The following NTM variants were observed in gnomAD, a reference collection of about 807,000 sequenced individuals.
NTM encodes the protein neurotrimin, also known as IgLON family member 2.
In NTM, 13 loss-of-function variants were observed where a neutral mutation model predicts 42.1. The ratio of observed to expected loss-of-function variants is 0.31; its 90% CI spans 0.20 to 0.49. The LOEUF is 0.49. Among genes scored for constraint, NTM ranks in the 20% least tolerant of loss-of-function variants. NTM has a pLI of 0.99. For synonymous variants in NTM, 187 were observed against 179.2 expected (o/e 1.04, Z -0.35); for missense variants, 373 against 452.8 (o/e 0.82, Z 1.60).
At chr11:132,220,054 C>G (rs1470240326) in intron 4 of NTM, among the ~76,000 whole-genome samples, 1 of 152,136 alleles carries the variant, frequency 6.6e-6, no homozygotes, top group Non-Finnish European at 1.5e-5. Context: ...AAGTAATTGC[C>G]ATTGCAAAAG....
chr11:131,626,027 T>G (rs1228469482), intron 1 of NTM, among the ~76,000 whole-genome samples: 1 of 152,204 alleles, frequency 6.6e-6, no homozygotes, highest in African/African-American at 2.4e-5. Flanking sequence ...GTGCACATTT[T>G]TGTACAAGGC....
At chr11:131,708,719 C>T (rs2076831029) in intron 1 of NTM, among the ~76,000 whole-genome samples, 1 of 151,942 alleles carries the variant, frequency 6.6e-6, no homozygotes, top group African/African-American at 2.4e-5. Flanking sequence ...ATATTGAGGG[C>T]CTTCTATATG....
At chr11:131,411,331 C>T (rs1322202306) in intron 1 of NTM, among the ~76,000 whole-genome samples, 2 of 152,184 alleles carry the variant, frequency 1.3e-5, no homozygotes, top group Admixed American at 6.5e-5. Context: ...TTCTTTCTAG[C>T]ACAATGCCTG....
At chr11:132,244,021 G>A (rs775473632) in intron 4 of NTM, among the ~76,000 whole-genome samples, 3 of 152,180 alleles carry the variant, frequency 2.0e-5, no homozygotes, top group Non-Finnish European at 4.4e-5. Flanking sequence ...TCAGGTTCTT[G>A]AATTCTTTCC....
chr11:131,623,774 A>G (rs1391801071), intron 1 of NTM, among the ~76,000 whole-genome samples: 1 of 152,218 alleles, frequency 6.6e-6, no homozygotes, highest in African/African-American at 2.4e-5. Flanking sequence ...TTAAGCACCC[A>G]ATGTGTAGGC....
At chr11:131,611,547 T>C (rs75270919) in intron 1 of NTM, among the ~76,000 whole-genome samples, 1,927 of 152,180 alleles carry the variant, frequency 0.013, 55 homozygotes, top group African/African-American at 0.044. Context: ...TCCACTTACA[T>C]AAAGAAGGAG....
intron 1 of NTM, among the ~76,000 whole-genome samples, chr11:131,597,970 G>C (rs1174155045): frequency 6.6e-6 from 1 of 152,238 alleles, no homozygotes; most frequent in African/African-American, 2.4e-5. Context: ...AACGTGGCCA[G>C]TCTGAGTGGC....
At chr11:132,227,406 T>C (rs1349856138) in intron 4 of NTM, among the ~76,000 whole-genome samples, 3 of 152,078 alleles carry the variant, frequency 2.0e-5, no homozygotes, top group Non-Finnish European at 4.4e-5. Flanking sequence ...GAAGTTGAGA[T>C]AGTAATTAAT....
intron 4 of NTM, among the ~76,000 whole-genome samples, chr11:132,267,032 C>A (rs114800425): frequency 1.3e-5 from 2 of 152,110 alleles, no homozygotes; most frequent in Non-Finnish European, 2.9e-5. Context: ...AGAGGAAAGA[C>A]GGGAGGGGCC....
At chr11:132,013,531 A>G (rs726371) in intron 2 of NTM, among the ~76,000 whole-genome samples, 76,379 of 151,914 alleles carry the variant, frequency 0.5, 20,313 homozygotes, top group East Asian at 0.81. Context: ...GAGTAAACAG[A>G]ATCTAGAAAA....
rs190662519 is a variant in NTM at position 131,528,260 on chromosome 11, T to C, written c.82+157372T>C. On this transcript the variant is annotated intron_variant, in intron 1 of 8. Coordinates refer to ENST00000683400, the MANE Select transcript of NTM (RefSeq NM_001352005.2). The stretch of plus-strand genomic sequence containing the variant: ...TGCCTTCCCTCTTCAATAGAATTCA[T>C]GTAAGTTTCCTGAGGATTGGCACTG... Among the ~76,000 whole-genome samples the C allele has an allele frequency of 2.6e-5, 4 of 152,332 alleles. No individual in the cohort carries two copies. The East Asian group carries it at 7.7e-4, about 29-fold the overall frequency.
chr11:132,187,214 C>CGTGTGT (rs55849086), intron 3 of NTM, among the ~76,000 whole-genome samples: 19 of 148,458 alleles, frequency 1.3e-4, no homozygotes, highest in East Asian at 1.2e-3. Context: ...GCTCAGATGG[C>CGTGTGT]GTGTGTGTGT....
intron 7 of NTM, among the ~76,000 whole-genome samples, chr11:132,321,492 G>C (rs928009821): frequency 7.9e-5 from 12 of 152,190 alleles, no homozygotes; most frequent in African/African-American, 2.9e-4. Flanking sequence ...AGAATAAAAA[G>C]AAACCAGCAA....
intron 1 of NTM, among the ~76,000 whole-genome samples, chr11:131,517,915 C>G (rs2049104516): frequency 6.6e-6 from 1 of 152,160 alleles, no homozygotes; most frequent in Admixed American, 6.5e-5. Flanking sequence ...AGCCATTCAA[C>G]TTAGCACTAA....
chr11:132,283,198 G>A (rs2094071006), intron 4 of NTM, among the ~76,000 whole-genome samples: 1 of 151,862 alleles, frequency 6.6e-6, no homozygotes, highest in Non-Finnish European at 1.5e-5. Flanking sequence ...TGTTGGCCAG[G>A]ATGGTCTCAA....
At chr11:132,137,322 C>T (rs750370789) in intron 2 of NTM, among the ~76,000 whole-genome samples, 11 of 152,174 alleles carry the variant, frequency 7.2e-5, no homozygotes, top group African/African-American at 1.7e-4. Context: ...GTTTCTTCTT[C>T]GCAGCTCCTT....
At chr11:131,376,322 C>T (rs1289113575) in intron 1 of NTM, among the ~76,000 whole-genome samples, 4 of 152,220 alleles carry the variant, frequency 2.6e-5, no homozygotes, top group Non-Finnish European at 4.4e-5. Context: ...TTCTCAGCTT[C>T]TATAAGCTGT....
chr11:131,455,547 G>A (rs576476038), intron 1 of NTM: 1 of 152,416 alleles, frequency 6.6e-6, no homozygotes, highest in South Asian at 2.1e-4. Context: ...GAGAAGAATG[G>A]AGGGAGGGTC....
chr11:132,126,316 A>G (rs1452034363), intron 2 of NTM, among the ~76,000 whole-genome samples: 1 of 152,170 alleles, frequency 6.6e-6, no homozygotes, highest in Non-Finnish European at 1.5e-5. Flanking sequence ...CACCACGGAC[A>G]ATGCTGAGGG....
Sources: allele counts gnomAD v4.1 joint callset (sites outside exome capture counted in the v4.1 genomes callset), GRCh38; gene constraint gnomAD v4.1.1; transcripts MANE v1.5; gene names NCBI Gene and HGNC (gene_info 2026-07-23, HGNC 2026-07-21).